E2F4: variants seen among roughly 807,000 people sequenced by gnomAD.
E2F4 encodes the protein E2F transcription factor 4.
A neutral mutation model predicts 44.5 loss-of-function variants in E2F4; 16 were observed. The observed-to-expected ratio is 0.36, with a 90% CI of 0.24 to 0.55. The LOEUF (loss-of-function observed/expected upper bound fraction) is 0.55. Ranked by LOEUF, E2F4 falls within the 20% of genes least tolerant of loss-of-function variation. The pLI is 0.87. For missense variants in E2F4, 473 were observed against 522.1 expected (o/e 0.91, Z 0.92); for synonymous variants, 242 against 207.2 (o/e 1.17, Z -1.44).
Position 67,192,324 on chromosome 16 carries a change from C to T in E2F4, c.97C>T (p.Leu33=), listed in dbSNP as rs2032899439. The T allele has an allele frequency of 3.5e-6, 5 of 1,437,034 alleles. No individual in the cohort carries two copies. Among genetic ancestry groups the T allele is most frequent in the Non-Finnish European group, 2.7e-6 (3 of 1,093,492 alleles). The allele number at this position is 1,437,034 out of a possible 1,614,324, so 89.0% of individuals were successfully genotyped here. A position where few individuals can be genotyped will look rare whatever the true frequency, so the allele number is the denominator to read the frequency against. The change falls in exon 1 of 10, where the codon CTG becomes TTG. Residue 33 remains leucine (L), a synonymous_variant. Transcript: ENST00000379378. ...GCTCACCACCAAGTTCGTGTCCCTTCTGCAGGAGGCCAAGGACGGCGTGCT... is the reference window on the plus strand; with the variant it reads ...GCTCACCACCAAGTTCGTGTCCCTTTTGCAGGAGGCCAAGGACGGCGTGCT... ...GLLTTKFVSL[L]QEAKDGVLDL...
Position 67,198,547 on chromosome 16 carries a change from T to G in E2F4, c.*424T>G. The G allele has an allele frequency of 5.0e-6, 1 of 198,112 alleles. No homozygotes were observed. Among genetic ancestry groups the G allele is most frequent in the Non-Finnish European group, 1.0e-5 (1 of 95,400 alleles). 12.3% of individuals were successfully genotyped at this position (198,112 alleles called of 1,614,324 possible). A position where few individuals can be genotyped will look rare whatever the true frequency, so the allele number is the denominator to read the frequency against. ...ACTGGGCACATGCCAGCACCACTTCTAGCTTCCTTCGCTATCCCCCACCCC... is the reference window on the plus strand; with the variant it reads ...ACTGGGCACATGCCAGCACCACTTCGAGCTTCCTTCGCTATCCCCCACCCC... On this transcript the variant is annotated 3_prime_UTR_variant, in exon 10 of 10. Transcript: ENST00000379378.
chr16:67,198,238 T>C lies in E2F4; in HGVS notation c.*115T>C. 2.3e-6 allele frequency: 2 copies of C among 882,780 alleles called. No individual in the cohort carries two copies. The highest frequency in any genetic ancestry group is 3.7e-5 in the Admixed American group (2 of 54,474). The allele number at this position is 882,780 out of a possible 1,614,324, so 54.7% of individuals were successfully genotyped here. A position where few individuals can be genotyped will look rare whatever the true frequency, so the allele number is the denominator to read the frequency against. ...TTGAGAGCCACAGACGCCTGGCTTC[T>C]CCGGCCTCCCCTCACCGCACAGTTC... On this transcript the variant is annotated 3_prime_UTR_variant, in exon 10 of 10. Coordinates refer to ENST00000379378, the MANE Select transcript of E2F4 (RefSeq NM_001950.4).
chr16:67,194,136 C>T, intron 4 of E2F4: 1 of 480,490 alleles, frequency 2.1e-6, no homozygotes, highest in East Asian at 3.5e-5. Flanking sequence ...ACCTAGGGAT[C>T]AGCCATCGGT....
In E2F4 at chr16:67,198,446, G is replaced by T. The variant is rs1380194155; in HGVS notation, c.*323G>T. The stretch of plus-strand genomic sequence containing the variant: ...GAGCTGCCATTACCCCCCATAGGGG[G>T]CAGTGTCTTGTTCCTGCCAGCCTCA... On this transcript the variant is annotated 3_prime_UTR_variant, in exon 10 of 10. Transcript: ENST00000379378. 5.9e-6 allele frequency: 2 copies of T among 338,514 alleles called. No individual in the cohort carries two copies. The highest frequency in any genetic ancestry group is 1.1e-5 in the Non-Finnish European group (2 of 178,110). 21.0% of individuals were successfully genotyped at this position (338,514 alleles called of 1,614,324 possible). A position where few individuals can be genotyped will look rare whatever the true frequency, so the allele number is the denominator to read the frequency against.
At chr16:67,194,042 G>T (rs1358996504) in intron 4 of E2F4, 3 of 279,214 alleles carry the variant, frequency 1.1e-5, no homozygotes, top group Admixed American at 4.9e-5. Flanking sequence ...GAGCCACTGT[G>T]CCCCGCTGAT....
intron 4 of E2F4, 58 bp downstream of exon 4, chr16:67,193,573 C>T: frequency 1.3e-6 from 2 of 1,570,684 alleles, no homozygotes; most frequent in Non-Finnish European, 1.8e-6. Context: ...AAGTCCTGAG[C>T]ACTGGGCTCA....
chr16:67,195,614 G>A, intron 6 of E2F4, 168 bp from the exon 7 acceptor site: 2 of 1,404,836 alleles, frequency 1.4e-6, no homozygotes, highest in Non-Finnish European at 1.9e-6. Flanking sequence ...CCTGTCTCCT[G>A]TGGTGACTAA....
Position 67,198,893 on chromosome 16 carries a change from G to A in E2F4, c.*770G>A, listed in dbSNP as rs1210441147. The A allele has an allele frequency of 7.4e-6, 4 of 540,956 alleles. No individual in the cohort carries two copies. The highest frequency in any genetic ancestry group is 3.3e-5 in the Admixed American group (1 of 29,988). 33.5% of individuals were successfully genotyped at this position (540,956 alleles called of 1,614,324 possible). Reference sequence around the variant, plus strand: ...ATTGTAATATTTGTACAGTGTTCAAGTGAATAAAAACCATGCCTAAGGCTA... The same window carrying A: ...ATTGTAATATTTGTACAGTGTTCAAATGAATAAAAACCATGCCTAAGGCTA... On this transcript the variant is annotated 3_prime_UTR_variant, in exon 10 of 10. Transcript: ENST00000379378.
Position 67,194,846 on chromosome 16 carries a change from C to A in E2F4, c.674C>A (p.Pro225His). The change falls in exon 6 of 10, where the codon CCT (proline) becomes CAT (histidine). Residue 225 changes from proline to histidine, a missense_variant. Pro to His is a moderately conservative substitution (Grantham distance 77). Around this residue, in one of 3 missense-constraint regions of E2F4, gnomAD observed 314 missense variants for 315.6 expected, o/e 0.99. Transcript: ENST00000379378. ...LLQSPSAVST[P>H]PPLPKPALAQ... ...CAGAGCCCATCTGCTGTTTCTACAC[C>A]TCCACCTCTGCCCAAGCCTGCCCTA... 1 of 1,614,208 alleles carries A rather than the reference C, an allele frequency of 6.2e-7. No homozygotes were observed. The highest frequency in any genetic ancestry group is 1.1e-5 in the South Asian group (1 of 91,084).
At chr16:67,193,856 C>T in intron 4 of E2F4, 1 of 363,582 alleles carries the variant, frequency 2.8e-6, no homozygotes, top group South Asian at 4.6e-5. Flanking sequence ...ACATGCAGGG[C>T]ATGGGGGTGC....
At chr16:67,192,706 G>T in intron 1 of E2F4, 55 bp from the exon 2 acceptor site, 1 of 1,500,398 alleles carries the variant, frequency 6.7e-7, no homozygotes, top group South Asian at 1.2e-5. Flanking sequence ...ACGTCTCAGG[G>T]TGGCTGGGGG....
chr16:67,195,374 TGCCTGCCTCG>T lies in E2F4; in HGVS notation c.808+399_809-394del, dbSNP rs2032950804. Among the ~76,000 whole-genome samples, 3 of 152,318 alleles carry T rather than the reference TGCCTGCCTCG, an allele frequency of 2.0e-5. No individual in the cohort carries two copies. In the South Asian group the frequency reaches 6.2e-4, roughly 32 times the overall value. ...TTCGAACTCCTGACCTCAAATGATC[TGCCTGCCTCG>T]GCCTCCTGTAGTGCTGGGATTACAG... On this transcript the variant is annotated intron_variant, in intron 6 of 9. Transcript: ENST00000379378.
chr16:67,193,933 A>G (rs1330023844), intron 4 of E2F4: 2 of 244,266 alleles, frequency 8.2e-6, no homozygotes, highest in Non-Finnish European at 7.9e-6. Flanking sequence ...TTTCTTTTTA[A>G]GAGATGGGCT....
intron 9 of E2F4, 44 bp downstream of exon 9, chr16:67,197,955 G>T: frequency 6.2e-7 from 1 of 1,614,112 alleles, no homozygotes; most frequent in Non-Finnish European, 8.5e-7. Context: ...GCAGGGGTTG[G>T]GCTGCTGCTA....
chr16:67,193,342 C>G (rs1423173809), intron 3 of E2F4, 130 bp from the exon 4 acceptor site: 3 of 1,489,028 alleles, frequency 2.0e-6, no homozygotes, highest in Non-Finnish European at 1.9e-6. Context: ...GATCCCTCCC[C>G]CGGTGGACCT....
At chr16:67,194,085 G>A in intron 4 of E2F4, 1 of 372,904 alleles carries the variant, frequency 2.7e-6, no homozygotes, top group Non-Finnish European at 4.9e-6. Context: ...GCTCCTGACT[G>A]GTCATGGGAA....
At chr16:67,195,105 CT>C in intron 6 of E2F4, 125 bp downstream of exon 6, 1 of 1,227,838 alleles carries the variant, frequency 8.1e-7, no homozygotes, top group Non-Finnish European at 1.1e-6. Context: ...ACCACCTAGC[CT>C]TCCCTTGCTA....
chr16:67,195,568 T>C (rs1350665426), intron 6 of E2F4: 3 of 1,007,520 alleles, frequency 3.0e-6, no homozygotes, highest in Non-Finnish European at 1.4e-6. Flanking sequence ...ACAGCAGACA[T>C]GTTGACCACG....
chr16:67,195,622 T>C, intron 6 of E2F4, 160 bp from the exon 7 acceptor site: 1 of 1,443,254 alleles, frequency 6.9e-7, no homozygotes, highest in African/African-American at 1.4e-5. Context: ...CTGTGGTGAC[T>C]AATTTCAGGT....
Sources: gnomAD v4.1 joint callset for allele counts (sites outside exome capture counted in the v4.1 genomes callset) on GRCh38, gnomAD v4.1.1 for gene constraint, gnomAD v4.1.1 regional missense constraint, MANE v1.5 for transcripts, NCBI Gene and HGNC (gene_info 2026-07-23, HGNC 2026-07-21) for gene names.